PPP1R14C: variants seen among roughly 807,000 people sequenced by gnomAD.
The protein encoded by PPP1R14C is protein phosphatase 1 regulatory subunit 14C.
A neutral mutation model predicts 20.4 loss-of-function variants in PPP1R14C; 16 were observed. The ratio of observed to expected loss-of-function variants is 0.78; its 90% confidence interval spans 0.53 to 1.19. PPP1R14C has a LOEUF of 1.19. Among genes scored for constraint, PPP1R14C ranks in the 50% most tolerant of loss-of-function variants. PPP1R14C has a pLI of 0.00. For missense variants in PPP1R14C, 211 were observed against 220.1 expected, an observed-to-expected ratio of 0.96 and a Z score of 0.26; for synonymous variants, 91 against 91.0, an observed-to-expected ratio of 1.00 and a Z score of 0.00.
At chr6:150,210,547 G>A (rs138352369) in intron 1 of PPP1R14C, among the ~76,000 whole-genome samples, 1 of 152,140 alleles carries the variant, frequency 6.6e-6, no homozygotes, top group Admixed American at 6.5e-5. Flanking sequence ...TCATTCCCCT[G>A]TCTTGTTCTG....
intron 1 of PPP1R14C, among the ~76,000 whole-genome samples, chr6:150,197,052 C>T (rs979935139): frequency 1.1e-4 from 16 of 152,288 alleles, no homozygotes; most frequent in African/African-American, 3.4e-4. Context: ...AACCTTCCAC[C>T]CTCCCCTCAG....
intron 1 of PPP1R14C, among the ~76,000 whole-genome samples, chr6:150,212,708 G>A (rs1183729287): frequency 2.0e-5 from 3 of 152,198 alleles, no homozygotes; most frequent in Non-Finnish European, 4.4e-5. Flanking sequence ...CTGCATATAT[G>A]ACAGTGGTCC....
chr6:150,227,179 G>A (rs1372128348), intron 3 of PPP1R14C, among the ~76,000 whole-genome samples: 2 of 152,134 alleles, frequency 1.3e-5, no homozygotes, highest in Admixed American at 6.6e-5. Context: ...AATATAAGTG[G>A]TATTTACAAT....
intron 1 of PPP1R14C, among the ~76,000 whole-genome samples, chr6:150,179,656 AG>A (rs1312353821): frequency 1.3e-5 from 2 of 151,964 alleles, no homozygotes; most frequent in Non-Finnish European, 2.9e-5. Flanking sequence ...AAAAAAAAAA[AG>A]GGGATAATAT....
chr6:150,213,549 C>G (rs1157456716), intron 1 of PPP1R14C, among the ~76,000 whole-genome samples: 2 of 152,248 alleles, frequency 1.3e-5, no homozygotes, highest in Non-Finnish European at 1.5e-5. Context: ...ACACCTTTCT[C>G]TCTAGCTCCT....
At chr6:150,158,879 A>G (rs1043804732) in intron 1 of PPP1R14C, among the ~76,000 whole-genome samples, 1 of 152,232 alleles carries the variant, frequency 6.6e-6, no homozygotes, top group African/African-American at 2.4e-5. Flanking sequence ...AATAAGGAAA[A>G]AAAAGCCAGT....
intron 3 of PPP1R14C, among the ~76,000 whole-genome samples, chr6:150,231,505 G>T (rs1483661453): frequency 6.6e-6 from 1 of 152,190 alleles, no homozygotes; most frequent in African/African-American, 2.4e-5. Context: ...GACATTTAAA[G>T]ATTTCAGTGT....
At position 150,247,422 on chromosome 6, in the gene PPP1R14C, C is replaced by A. The variant is rs77136590; in HGVS notation, c.424-1324C>A. Among the ~76,000 whole-genome samples the A allele has an allele frequency of 8.3e-3, 1,265 of 152,214 alleles. 24 individuals are homozygous for A. The highest frequency in any genetic ancestry group is 0.029 in the African/African-American group (1,210 of 41,506). On this transcript the variant is annotated intron_variant, in intron 3 of 3. Transcript: ENST00000361131. ...TGGCCAAACATTTTAAAACAGGAGG[C>A]AACAATGAGAGATTCCTGATTGTGT...
chr6:150,154,062 A>G (rs1777279233), intron 1 of PPP1R14C, among the ~76,000 whole-genome samples: 1 of 152,242 alleles, frequency 6.6e-6, no homozygotes, highest in Non-Finnish European at 1.5e-5. Context: ...TCCTGTTCAC[A>G]GTTGTGTTAG....
chr6:150,243,051 A>C (rs1230455381), intron 3 of PPP1R14C, among the ~76,000 whole-genome samples: 2 of 152,208 alleles, frequency 1.3e-5, no homozygotes, highest in Non-Finnish European at 1.5e-5. Flanking sequence ...GAGATAAATC[A>C]TGTCCATGGG....
At chr6:150,186,883 C>G (rs1440406826) in intron 1 of PPP1R14C, among the ~76,000 whole-genome samples, 1 of 152,074 alleles carries the variant, frequency 6.6e-6, no homozygotes, top group Non-Finnish European at 1.5e-5. Flanking sequence ...GTGGGCCAAG[C>G]CAGGGAGTCA....
intron 3 of PPP1R14C, among the ~76,000 whole-genome samples, chr6:150,225,931 C>T (rs1175695688): frequency 6.6e-6 from 1 of 152,190 alleles, no homozygotes; most frequent in African/African-American, 2.4e-5. Flanking sequence ...TGGATTATTA[C>T]ATTTAAAGAG....
chr6:150,183,212 C>G (rs1327697116), intron 1 of PPP1R14C, among the ~76,000 whole-genome samples: 1 of 150,314 alleles, frequency 6.7e-6, no homozygotes, highest in Non-Finnish European at 1.5e-5. Flanking sequence ...TGAGTTATCT[C>G]GGACTGTTAG....
intron 3 of PPP1R14C, among the ~76,000 whole-genome samples, chr6:150,218,533 C>T (rs1410710619): frequency 7.0e-6 from 1 of 143,394 alleles, no homozygotes; most frequent in Middle Eastern, 3.7e-3. Context: ...GTGACTTTCT[C>T]CACCTTTCAG....
rs146017365 is a variant in PPP1R14C, at chr6:150,197,135, T to C, written c.307-17609T>C. Among the ~76,000 whole-genome samples the C allele has an allele frequency of 7.3e-3, 1,119 of 152,304 alleles. 22 individuals are homozygous for C. The highest frequency in any genetic ancestry group is 0.068 in the South Asian group (328 of 4,822). ...CTGGCTGGAGTCTCTGTTGAAGGACTGGAGAAGGTTACAAGGATTGTCTCT... is the reference window on the plus strand; with the variant it reads ...CTGGCTGGAGTCTCTGTTGAAGGACCGGAGAAGGTTACAAGGATTGTCTCT... On this transcript the variant is annotated intron_variant, in intron 1 of 3. Coordinates refer to ENST00000361131, the MANE Select transcript of PPP1R14C (RefSeq NM_030949.3).
chr6:150,204,047 G>T (rs541834760), intron 1 of PPP1R14C, among the ~76,000 whole-genome samples: 7 of 152,326 alleles, frequency 4.6e-5, no homozygotes, highest in Admixed American at 4.6e-4. Context: ...GGATCTTCAT[G>T]TAGGTGCTGC....
chr6:150,223,707 T>G lies in PPP1R14C; in HGVS notation c.423+6851T>G, dbSNP rs138068729. On this transcript the variant is annotated intron_variant, in intron 3 of 3. Coordinates refer to ENST00000361131, the MANE Select transcript of PPP1R14C (RefSeq NM_030949.3). ...TTTTAACTGGGTGTGTTTGTTTTTT[T>G]TTGTTGTTGAATTTTAAGGGTTCTT... Among the ~76,000 whole-genome samples the G allele has an allele frequency of 1.1e-3, 175 of 152,324 alleles. 1 individual carries two copies. The highest frequency in any genetic ancestry group is 3.6e-3 in the African/African-American group (151 of 41,588).
chr6:150,161,095 C>G (rs1777361825), intron 1 of PPP1R14C, among the ~76,000 whole-genome samples: 1 of 152,080 alleles, frequency 6.6e-6, no homozygotes, highest in South Asian at 2.1e-4. Context: ...GCCTGGCCAA[C>G]ATGGTGAAAC....
chr6:150,143,605 C>A lies in PPP1R14C; in HGVS notation c.306+107C>A. The stretch of plus-strand genomic sequence containing the variant: ...CCGGGGCGCGCATGTCCCTGACTCC[C>A]GGGGACCAAGTGCCAGGAGCGAGGC... On this transcript the variant is annotated intron_variant, in intron 1 of 3. Coordinates refer to ENST00000361131, the MANE Select transcript of PPP1R14C (RefSeq NM_030949.3). The surrounding 1 kb of genome is among the most constrained non-coding windows in gnomAD (Gnocchi z 5.6). 1 of 809,898 alleles carries A rather than the reference C, an allele frequency of 1.2e-6. No individual in the cohort carries two copies. Among genetic ancestry groups the A allele is most frequent in the Non-Finnish European group, 1.9e-6 (1 of 527,676 alleles). 50.2% of individuals were successfully genotyped at this position (809,898 alleles called of 1,614,324 possible). A position where few individuals can be genotyped will look rare whatever the true frequency, so the allele number is the denominator to read the frequency against.
Sources: gnomAD v4.1 joint callset for allele counts (sites outside exome capture counted in the v4.1 genomes callset) on GRCh38, gnomAD v4.1.1 for gene constraint, Gnocchi (gnomAD v3.1) non-coding constraint, MANE v1.5 for transcripts, NCBI Gene and HGNC (gene_info 2026-07-23, HGNC 2026-07-21) for gene names.